The following RBFOX1 variants were observed in gnomAD, a reference collection of about 807,000 sequenced individuals.
RBFOX1 encodes the protein RNA binding protein fox-1 homolog 1.
A neutral mutation model predicts 57.7 loss-of-function variants in RBFOX1; 8 were observed. The ratio of observed to expected loss-of-function variants is 0.14; its 90% CI spans 0.08 to 0.25. RBFOX1 has a LOEUF of 0.25. RBFOX1 is among the 10% of genes least tolerant of loss of function. The probability of loss-of-function intolerance (pLI) is 1.00; values close to 1 mark genes in which losing one functional copy is unlikely to be tolerated. For synonymous variants in RBFOX1, 326 were observed against 222.4 expected (o/e 1.47, Z -4.15); for missense variants, 611 against 548.5 (o/e 1.11, Z -1.14).
chr16:6,783,738 C>G (rs975402649), intron 3 of RBFOX1, among the ~76,000 whole-genome samples: 5 of 152,064 alleles, frequency 3.3e-5, no homozygotes, highest in South Asian at 2.1e-4. Flanking sequence ...TACCAAGGAG[C>G]TTTAGACCTT....
chr16:6,976,865 C>T, intron 3 of RBFOX1, among the ~76,000 whole-genome samples: 1 of 7,168 alleles, frequency 1.4e-4, no homozygotes, highest in Admixed American at 2.4e-3. Flanking sequence ...ACATATATAT[C>T]ACATATGTCA....
chr16:5,761,646 GC>G (rs2053594353), intron 3 of RBFOX1, among the ~76,000 whole-genome samples: 1 of 152,104 alleles, frequency 6.6e-6, no homozygotes, highest in Non-Finnish European at 1.5e-5. Flanking sequence ...GAGGGTAACT[GC>G]CCCCATGTTT....
intron 1 of RBFOX1, among the ~76,000 whole-genome samples, chr16:6,264,897 G>T (rs1172339205): frequency 6.6e-6 from 1 of 152,154 alleles, no homozygotes; most frequent in African/African-American, 2.4e-5. Context: ...TGTAGTAAAT[G>T]TGCAGTGAGC....
intron 2 of RBFOX1, among the ~76,000 whole-genome samples, chr16:5,549,383 G>A (rs2045366000): frequency 6.6e-6 from 1 of 152,146 alleles, no homozygotes; most frequent in Non-Finnish European, 1.5e-5. Context: ...ACCCTCAGTA[G>A]CCATAATCTG....
Position 5,947,888 on chromosome 16 carries a change from T to G in RBFOX1, c.351+80553T>G, listed in dbSNP as rs1597910237. ...GGGCCACCCGTAACGGGAGTTTATG[T>G]AATTATTAGTTTGAATGGCTCTGCT... On this transcript the variant is annotated intron_variant, in intron 4 of 19. Transcript: ENST00000641259. This position sits in a 1 kb window ranked among gnomAD's most constrained non-coding sequence, Gnocchi z 7.2. 6.6e-6 allele frequency among the ~76,000 whole-genome samples: 1 copy of G among 152,368 alleles called. No homozygotes were observed. Among genetic ancestry groups the G allele is most frequent in the East Asian group, 1.9e-4 (1 of 5,180 alleles).
At chr16:6,914,956 T>C (rs576079524) in intron 3 of RBFOX1, among the ~76,000 whole-genome samples, 2 of 152,330 alleles carry the variant, frequency 1.3e-5, no homozygotes, top group South Asian at 4.1e-4. Flanking sequence ...GTAAATCGGA[T>C]AGTGCCTGCG....
chr16:7,400,167 A>G (rs540450082), intron 4 of RBFOX1, among the ~76,000 whole-genome samples: 248 of 152,296 alleles, frequency 1.6e-3, no homozygotes, highest in Non-Finnish European at 2.5e-3. Context: ...GCTTTGAACA[A>G]TTATGCTAGA....
intron 2 of RBFOX1, among the ~76,000 whole-genome samples, chr16:6,508,249 A>G (rs2096160936): frequency 6.6e-6 from 1 of 152,142 alleles, no homozygotes; most frequent in Admixed American, 6.5e-5. Context: ...GGATCAGGAA[A>G]AATAACTAAT....
intron 3 of RBFOX1, among the ~76,000 whole-genome samples, chr16:7,031,287 A>G (rs576469651): frequency 6.6e-6 from 1 of 152,142 alleles, no homozygotes; most frequent in Non-Finnish European, 1.5e-5. Flanking sequence ...CTTTGTGACT[A>G]CACTGTAGAG....
At chr16:6,950,871 C>G (rs1026613558) in intron 3 of RBFOX1, among the ~76,000 whole-genome samples, 16 of 151,372 alleles carry the variant, frequency 1.1e-4, no homozygotes, top group African/African-American at 3.9e-4. Context: ...TTTTGTCTCT[C>G]TTTCTCTCTT....
chr16:5,730,801 CCAA>C (rs1228960445), intron 3 of RBFOX1, among the ~76,000 whole-genome samples: 2 of 152,082 alleles, frequency 1.3e-5, no homozygotes, highest in African/African-American at 2.4e-5. Flanking sequence ...ACCATTACCA[CCAA>C]CATCAACACT....
intron 3 of RBFOX1, among the ~76,000 whole-genome samples, chr16:6,966,283 C>T (rs1278732216): frequency 6.6e-6 from 1 of 152,244 alleles, no homozygotes; most frequent in East Asian, 1.9e-4. Flanking sequence ...TGACTGGGCA[C>T]TCCTGCAGGC....
chr16:6,502,822 C>G (rs1360255638), intron 2 of RBFOX1, among the ~76,000 whole-genome samples: 3 of 152,106 alleles, frequency 2.0e-5, no homozygotes, highest in South Asian at 2.1e-4. Context: ...GCATTCTATT[C>G]TATTCTCGCT....
At chr16:7,324,859 C>T (rs1001470356) in intron 4 of RBFOX1, among the ~76,000 whole-genome samples, 2 of 152,182 alleles carry the variant, frequency 1.3e-5, no homozygotes, top group African/African-American at 4.8e-5. Context: ...TTAAAGGTAC[C>T]ATCTTCATCA....
intron 4 of RBFOX1, among the ~76,000 whole-genome samples, chr16:7,403,175 C>T (rs983849927): frequency 5.9e-5 from 9 of 152,248 alleles, no homozygotes; most frequent in African/African-American, 2.2e-4. Context: ...ATACATTATG[C>T]AGTGACCACC....
chr16:6,903,883 C>G (rs1050564379), intron 3 of RBFOX1, among the ~76,000 whole-genome samples: 10 of 152,038 alleles, frequency 6.6e-5, no homozygotes, highest in African/African-American at 2.2e-4. Flanking sequence ...AAGCTGGGAG[C>G]AAACAGCTTC....
intron 4 of RBFOX1, among the ~76,000 whole-genome samples, chr16:7,285,852 A>T (rs1293755950): frequency 6.6e-6 from 1 of 152,236 alleles, no homozygotes; most frequent in Admixed American, 6.5e-5. Context: ...CTTCAAGTGC[A>T]GGGTTTTGTG....
chr16:6,987,657 A>G (rs1212532410), intron 3 of RBFOX1, among the ~76,000 whole-genome samples: 1 of 152,204 alleles, frequency 6.6e-6, no homozygotes, highest in Non-Finnish European at 1.5e-5. Context: ...TGGGGCCTCC[A>G]CTGACCTGCA....
chr16:7,429,496 C>T (rs757817301), intron 4 of RBFOX1, among the ~76,000 whole-genome samples: 6 of 152,190 alleles, frequency 3.9e-5, no homozygotes, highest in Non-Finnish European at 8.8e-5. Context: ...TAGCTGTCTG[C>T]AATGATATTA....
Sources: allele counts gnomAD v4.1 joint callset (sites outside exome capture counted in the v4.1 genomes callset), GRCh38; gene constraint gnomAD v4.1.1; non-coding constraint Gnocchi (gnomAD v3.1); transcripts MANE v1.5; gene names NCBI Gene and HGNC (gene_info 2026-07-23, HGNC 2026-07-21).